The following PHF2 variants were observed in gnomAD, a reference collection of about 807,000 sequenced individuals.
The protein encoded by PHF2 is PHD finger protein 2.
In PHF2, 27 loss-of-function variants were observed where a neutral mutation model predicts 120.5. That is an observed-to-expected ratio of 0.22 (90% CI 0.17 to 0.31). The LOEUF is 0.31. Ranked by LOEUF, PHF2 falls within the 10% of genes least tolerant of loss-of-function variation. The probability of loss-of-function intolerance (pLI) is 1.00; values close to 1 mark genes in which losing one functional copy is unlikely to be tolerated. For synonymous variants in PHF2, 568 were observed against 592.5 expected (o/e 0.96, Z 0.60); for missense variants, 1,024 against 1,434.8 (o/e 0.71, Z 4.63).
intron 1 of PHF2, among the ~76,000 whole-genome samples, chr9:93,616,314 T>A (rs1825728594): frequency 6.6e-6 from 1 of 152,268 alleles, no homozygotes; most frequent in Non-Finnish European, 1.5e-5. Context: ...TGTGGAATTC[T>A]GGCCTGAAGG....
intron 14 of PHF2, among the ~76,000 whole-genome samples, chr9:93,664,139 G>A (rs1387211462): frequency 1.3e-5 from 2 of 152,240 alleles, no homozygotes; most frequent in African/African-American, 2.4e-5. Flanking sequence ...GTGCATGGGG[G>A]ACAGGGTCCT....
intron 9 of PHF2, 141 bp from the exon 10 acceptor site, chr9:93,658,004 G>A: frequency 1.6e-6 from 1 of 614,180 alleles, no homozygotes; most frequent in Non-Finnish European, 2.9e-6. Flanking sequence ...GGAACTGTTG[G>A]CAGTTGAGCT....
At chr9:93,650,914 T>C (rs1440979477) in intron 5 of PHF2, among the ~76,000 whole-genome samples, 1 of 152,050 alleles carries the variant, frequency 6.6e-6, no homozygotes, top group Non-Finnish European at 1.5e-5. Flanking sequence ...AAAAGAATTA[T>C]CTAAAACCAA....
In PHF2 at chr9:93,673,504, G is replaced by T. The variant is rs1826847464; in HGVS notation, c.2349-81G>T. The T allele has an allele frequency of 3.8e-6, 5 of 1,302,018 alleles. No individual in the cohort carries two copies. The South Asian group carries it at 6.3e-5, about 16-fold the overall frequency. The allele number at this position is 1,302,018 out of a possible 1,614,324, so 80.7% of individuals were successfully genotyped here. A position where few individuals can be genotyped will look rare whatever the true frequency, so the allele number is the denominator to read the frequency against. On this transcript the variant is annotated intron_variant, in intron 17 of 21. Transcript: ENST00000359246. ...GCCAGGAGTTTGTGCAGGAGTTTGTGCAGGCCATAGGCTGTTGTTTAAGTG... is the reference window on the plus strand; with the variant it reads ...GCCAGGAGTTTGTGCAGGAGTTTGTTCAGGCCATAGGCTGTTGTTTAAGTG...
chr9:93,618,852 G>GCA (rs1564383293), intron 1 of PHF2, among the ~76,000 whole-genome samples: 1 of 138,220 alleles, frequency 7.2e-6, no homozygotes, highest in African/African-American at 2.7e-5. Context: ...GTGTGTGCCT[G>GCA]TGTGTGGTGT....
chr9:93,635,025 C>T (rs1316318675), intron 2 of PHF2, among the ~76,000 whole-genome samples: 1 of 152,200 alleles, frequency 6.6e-6, no homozygotes, highest in African/African-American at 2.4e-5. Flanking sequence ...CAAGGTCACA[C>T]AGCTGGAAGA....
intron 19 of PHF2, among the ~76,000 whole-genome samples, chr9:93,675,244 T>C (rs1250779582): frequency 6.6e-6 from 1 of 152,208 alleles, no homozygotes; most frequent in Non-Finnish European, 1.5e-5. Context: ...CAGATGTGCT[T>C]CTACACAGCC....
At chr9:93,624,695 G>A (rs1023687615) in intron 1 of PHF2, among the ~76,000 whole-genome samples, 1 of 151,666 alleles carries the variant, frequency 6.6e-6, no homozygotes, top group African/African-American at 2.4e-5. Context: ...TGGTGGTGGC[G>A]ATGGTGGTAG....
At chr9:93,644,983 A>G (rs1002876375) in intron 3 of PHF2, among the ~76,000 whole-genome samples, 6 of 152,128 alleles carry the variant, frequency 3.9e-5, no homozygotes, top group African/African-American at 1.2e-4. Flanking sequence ...GTCACCGCAC[A>G]TGCCATTCAT....
intron 5 of PHF2, among the ~76,000 whole-genome samples, chr9:93,650,682 C>T (rs567374143): frequency 3.3e-5 from 5 of 152,316 alleles, no homozygotes; most frequent in Admixed American, 1.3e-4. Flanking sequence ...TGTTCTCCCC[C>T]CAGGCTGTCA....
intron 3 of PHF2, among the ~76,000 whole-genome samples, chr9:93,641,078 A>T (rs1826165187): frequency 6.6e-6 from 1 of 152,152 alleles, no homozygotes; most frequent in Non-Finnish European, 1.5e-5. Flanking sequence ...TTCAGGATTA[A>T]ATCTCAGTTT....
At chr9:93,600,224 G>A (rs1459791970) in intron 1 of PHF2, among the ~76,000 whole-genome samples, 1 of 148,536 alleles carries the variant, frequency 6.7e-6, no homozygotes, top group African/African-American at 2.5e-5. Context: ...GTGTGGTGGT[G>A]CATGGGGGGT....
intron 16 of PHF2, 35 bp downstream of exon 16, chr9:93,666,095 G>T (rs1413131848): frequency 6.3e-7 from 1 of 1,595,918 alleles, no homozygotes. Context: ...CAGTCTCGGG[G>T]GGCATCTCTG....
At chr9:93,676,480 C>A in intron 20 of PHF2, 114 bp from the exon 21 acceptor site, 1 of 1,312,104 alleles carries the variant, frequency 7.6e-7, no homozygotes, top group Non-Finnish European at 1.0e-6. Context: ...CAGGCCCCTG[C>A]TGCCCAGCCC....
chr9:93,674,515 G>T (rs1350944131), intron 18 of PHF2, among the ~76,000 whole-genome samples: 1 of 152,172 alleles, frequency 6.6e-6, no homozygotes, highest in Non-Finnish European at 1.5e-5. Flanking sequence ...GTTTGATTAT[G>T]GGGTCCCATC....
At chr9:93,637,522 A>G (rs1826113603) in intron 3 of PHF2, among the ~76,000 whole-genome samples, 1 of 151,958 alleles carries the variant, frequency 6.6e-6, no homozygotes, top group African/African-American at 2.4e-5. Context: ...GTTTCTGTAG[A>G]TTTGCTTCAT....
At chr9:93,638,858 A>G (rs931694380) in intron 3 of PHF2, among the ~76,000 whole-genome samples, 1 of 152,168 alleles carries the variant, frequency 6.6e-6, no homozygotes, top group Non-Finnish European at 1.5e-5. Flanking sequence ...AGCTGGGACT[A>G]CAGGCGTGCA....
At chr9:93,646,709 T>G (rs1423361412) in intron 4 of PHF2, among the ~76,000 whole-genome samples, 1 of 152,056 alleles carries the variant, frequency 6.6e-6, no homozygotes, top group Admixed American at 6.5e-5. Context: ...CAAGTTCAAT[T>G]TCAGCAGGGG....
chr9:93,653,061 C>T (rs1451447320), intron 5 of PHF2, 118 bp from the exon 6 acceptor site: 52 of 848,028 alleles, frequency 6.1e-5, no homozygotes, highest in East Asian at 1.6e-4. Flanking sequence ...AGCTGTGACC[C>T]GTGGCCCGCA....
Sources: gnomAD v4.1 joint callset for allele counts (sites outside exome capture counted in the v4.1 genomes callset) on GRCh38, gnomAD v4.1.1 for gene constraint, MANE v1.5 for transcripts, NCBI Gene and HGNC (gene_info 2026-07-23, HGNC 2026-07-21) for gene names.